Variants in EDEM3 observed in about 807,000 individuals in gnomAD.
The protein encoded by EDEM3 is ER degradation enhancing alpha-mannosidase like protein 3, also known as ER degradation-enhancing alpha-mannosidase-like protein 3.
A neutral mutation model predicts 110.2 loss-of-function variants in EDEM3; 60 were observed. The ratio of observed to expected loss-of-function variants is 0.54; its 90% CI spans 0.44 to 0.67. The LOEUF (loss-of-function observed/expected upper bound fraction) is 0.67, where lower values mean the gene tolerates loss of function less well. EDEM3 is among the 30% of genes least tolerant of loss of function. The pLI is 0.00. For missense variants in EDEM3, 996 were observed against 1,121.0 expected (o/e 0.89, Z 1.59); for synonymous variants, 352 against 382.9 (o/e 0.92, Z 0.94).
At chr1:184,723,500 T>C (rs1420546913) in intron 8 of EDEM3, among the ~76,000 whole-genome samples, 4 of 151,846 alleles carry the variant, frequency 2.6e-5, no homozygotes, top group Non-Finnish European at 5.9e-5. Context: ...AAATAAATTA[T>C]AGCGTTTCAT....
chr1:184,701,427 A>G (rs1239232235), intron 19 of EDEM3: 6 of 858,014 alleles, frequency 7.0e-6, no homozygotes, highest in African/African-American at 1.8e-5. Flanking sequence ...TATGTACTTG[A>G]GTGTGTGTAC....
intron 18 of EDEM3, among the ~76,000 whole-genome samples, chr1:184,704,954 C>T: frequency 6.6e-6 from 1 of 151,884 alleles, no homozygotes; most frequent in East Asian, 1.9e-4. Context: ...CCTGTAATCC[C>T]AGCTACTCGG....
At chr1:184,708,419 T>C (rs1415164336) in intron 16 of EDEM3, 75 bp from the exon 17 acceptor site, 3 of 1,478,658 alleles carry the variant, frequency 2.0e-6, no homozygotes, top group African/African-American at 2.9e-5. Flanking sequence ...CTAAAGACAC[T>C]GTACTGTAGT....
chr1:184,715,949 G>A (rs116707808), intron 13 of EDEM3, among the ~76,000 whole-genome samples: 1 of 152,246 alleles, frequency 6.6e-6, no homozygotes, highest in Non-Finnish European at 1.5e-5. Context: ...ATGGGTAGAT[G>A]ATGAGTGCTG....
At chr1:184,735,239 CATCT>C (rs1472435785) in intron 4 of EDEM3, among the ~76,000 whole-genome samples, 1 of 152,156 alleles carries the variant, frequency 6.6e-6, no homozygotes, top group East Asian at 1.9e-4. Context: ...CTTGTTCCTT[CATCT>C]ATAAAAAGAG....
At chr1:184,751,635 T>C (rs17494569) in intron 1 of EDEM3, among the ~76,000 whole-genome samples, 1,891 of 152,262 alleles carry the variant, frequency 0.012, 14 homozygotes, top group Non-Finnish European at 0.02. Flanking sequence ...ATAATTACTA[T>C]ACTGAACAGA....
intron 4 of EDEM3, among the ~76,000 whole-genome samples, chr1:184,736,250 T>TA (rs570758785): frequency 1.3e-4 from 19 of 148,854 alleles, no homozygotes; most frequent in Admixed American, 4.7e-4. Context: ...TTTTCGTTCT[T>TA]AAAAAAAAAA....
chr1:184,718,447 G>T (rs1650677263), intron 11 of EDEM3, among the ~76,000 whole-genome samples: 1 of 152,038 alleles, frequency 6.6e-6, no homozygotes, highest in South Asian at 2.1e-4. Flanking sequence ...TCACCCGAAG[G>T]CTAATAAAAC....
intron 3 of EDEM3, 132 bp downstream of exon 3, chr1:184,737,479 C>T (rs751801646): frequency 8.2e-5 from 57 of 694,386 alleles, no homozygotes; most frequent in Admixed American, 1.7e-4. Flanking sequence ...AATAAAGGAG[C>T]ATAATGTAAT....
chr1:184,700,510 T>G (rs1022574024), intron 19 of EDEM3, among the ~76,000 whole-genome samples: 1 of 152,002 alleles, frequency 6.6e-6, no homozygotes, highest in South Asian at 2.1e-4. Flanking sequence ...TTCTGAATCT[T>G]GTTCAATATT....
intron 17 of EDEM3, 32 bp from the exon 18 acceptor site, chr1:184,706,840 A>C (rs770942804): frequency 6.2e-7 from 1 of 1,601,970 alleles, no homozygotes; most frequent in East Asian, 2.2e-5. Context: ...TAAATACTTT[A>C]ATCTTCTCAA....
intron 3 of EDEM3, 31 bp from the exon 4 acceptor site, chr1:184,737,095 C>T: frequency 6.4e-7 from 1 of 1,562,072 alleles, no homozygotes; most frequent in Non-Finnish European, 8.8e-7. Context: ...AGATATAAAA[C>T]ATTAGAATCC....
At chr1:184,716,563 T>C (rs1193360667) in intron 13 of EDEM3, among the ~76,000 whole-genome samples, 1 of 152,130 alleles carries the variant, frequency 6.6e-6, no homozygotes, top group African/African-American at 2.4e-5. Flanking sequence ...TCTTATGTAA[T>C]ATAAAAGGAA....
intron 19 of EDEM3, among the ~76,000 whole-genome samples, chr1:184,699,670 C>T (rs1003677524): frequency 6.6e-6 from 1 of 151,784 alleles, no homozygotes; most frequent in East Asian, 1.9e-4. Flanking sequence ...GTGACCCTGC[C>T]TGACTTAAAT....
In EDEM3 at chr1:184,691,277, G is replaced by C. The variant is rs1351227722; in HGVS notation, c.*2786C>G. ...TATGGGAAAAGTATTGCAAATAAGG[G>C]CATATCATTTCAATGAACTTTTATA... On this transcript the variant is annotated 3_prime_UTR_variant, in exon 20 of 20. Coordinates refer to ENST00000318130, the MANE Select transcript of EDEM3 (RefSeq NM_025191.4). 1.3e-5 allele frequency: 2 copies of C among 152,144 alleles called. No homozygotes were observed. Among genetic ancestry groups the C allele is most frequent in the Admixed American group, 6.6e-5 (1 of 15,222 alleles). 9.4% of individuals were successfully genotyped at this position (152,144 alleles called of 1,614,324 possible).
intron 3 of EDEM3, among the ~76,000 whole-genome samples, chr1:184,737,324 C>T (rs1651884804): frequency 1.3e-5 from 2 of 152,106 alleles, no homozygotes; most frequent in Admixed American, 6.5e-5. Context: ...AAAACATCAA[C>T]AGTCCAATGT....
In EDEM3 at chr1:184,706,641, A is replaced by G; in HGVS notation, c.2203+2T>C. 6.2e-7 allele frequency: 1 copy of G among 1,609,290 alleles called. No homozygotes were observed. The highest frequency in any genetic ancestry group is 1.7e-5 in the Admixed American group (1 of 59,912). ...AACACAATGACATGGATGATTACTT[A>G]CCAATAACAATGCCACCAATGGCTC... On this transcript the variant is annotated splice_donor_variant, in intron 18 of 19. Transcript: ENST00000318130. LOFTEE classifies it high-confidence loss of function.
chr1:184,720,824 T>C (rs1490216828), intron 9 of EDEM3: 1 of 153,176 alleles, frequency 6.5e-6, no homozygotes. Context: ...AAAAACATGC[T>C]TGTGGTTCTG....
At chr1:184,700,045 A>G (rs1172608555) in intron 19 of EDEM3, among the ~76,000 whole-genome samples, 1 of 151,954 alleles carries the variant, frequency 6.6e-6, no homozygotes, top group Admixed American at 6.6e-5. Flanking sequence ...TGATATTGAA[A>G]ATTCTGTTCA....
Sources: gnomAD v4.1 joint callset for allele counts (sites outside exome capture counted in the v4.1 genomes callset) on GRCh38, gnomAD v4.1.1 for gene constraint, MANE v1.5 for transcripts, NCBI Gene and HGNC (gene_info 2026-07-23, HGNC 2026-07-21) for gene names.